ALK: variants seen among roughly 807,000 people sequenced by gnomAD.
The protein encoded by ALK is ALK receptor tyrosine kinase.
In ALK, 74 loss-of-function variants were observed where a neutral mutation model predicts 163.1. That is an observed-to-expected ratio of 0.45 (90% CI 0.38 to 0.55). The LOEUF is 0.55. Among genes scored for constraint, ALK ranks in the 20% least tolerant of loss-of-function variants. ALK has a pLI of 0.00. For missense variants in ALK, 2,063 were observed against 2,105.3 expected, an observed-to-expected ratio of 0.98 and a Z score of 0.39; for synonymous variants, 960 against 843.2, an observed-to-expected ratio of 1.14 and a Z score of -2.40.
rs563460919 is a variant in ALK, at chr2:29,909,979, C to CAAAA, written c.667+10010_667+10013dup. ...ATGGAATATTCATAATGCACCACAC[C>CAAAA]AAAAAAAAAAAAAAAAACAACTGCA... On this transcript the variant is annotated intron_variant, in intron 1 of 28. Transcript: ENST00000389048. 1.6e-3 allele frequency among the ~76,000 whole-genome samples: 133 copies of CAAAA among 81,730 alleles called. 2 individuals are homozygous for CAAAA. The highest frequency in any genetic ancestry group is 4.7e-3 in the African/African-American group (126 of 26,854). 53.6% of individuals were successfully genotyped at this position (81,730 alleles called of 152,430 possible).
chr2:29,615,145 G>A (rs910115401), intron 3 of ALK, among the ~76,000 whole-genome samples: 2 of 152,122 alleles, frequency 1.3e-5, no homozygotes, highest in Non-Finnish European at 2.9e-5. Flanking sequence ...AAGACCTGGA[G>A]TATCTATGCT....
chr2:29,199,344 CTTTAT>C (rs1343366722), intron 26 of ALK, among the ~76,000 whole-genome samples: 1 of 152,026 alleles, frequency 6.6e-6, no homozygotes, highest in Non-Finnish European at 1.5e-5. Context: ...TCATGATTTC[CTTTAT>C]TTTATAGTTA....
At chr2:29,264,917 C>G (rs900429487) in intron 11 of ALK, among the ~76,000 whole-genome samples, 4 of 152,186 alleles carry the variant, frequency 2.6e-5, no homozygotes, top group Non-Finnish European at 4.4e-5. Flanking sequence ...GGCGCACACT[C>G]TCACATACTC....
chr2:29,585,349 A>G (rs1458403910), intron 3 of ALK, among the ~76,000 whole-genome samples: 4 of 102,990 alleles, frequency 3.9e-5, no homozygotes, highest in African/African-American at 1.6e-4. Flanking sequence ...TTTTTGAGAC[A>G]GAGTCTTGCT....
intron 3 of ALK, among the ~76,000 whole-genome samples, chr2:29,670,211 T>C (rs1228171154): frequency 6.6e-6 from 1 of 152,162 alleles, no homozygotes; most frequent in Admixed American, 6.6e-5. Context: ...ATGGTGGTCA[T>C]GAAGTTTCTC....
At chr2:29,576,312 A>G (rs996635792) in intron 3 of ALK, among the ~76,000 whole-genome samples, 2 of 152,194 alleles carry the variant, frequency 1.3e-5, no homozygotes, top group Admixed American at 6.5e-5. Context: ...GAGCAGAACC[A>G]TGAGCCTCTC....
intron 3 of ALK, among the ~76,000 whole-genome samples, chr2:29,625,042 G>T (rs1676152802): frequency 6.6e-6 from 1 of 152,208 alleles, no homozygotes; most frequent in Non-Finnish European, 1.5e-5. Flanking sequence ...ATGGACGTGA[G>T]TGTGTCAGGT....
chr2:29,509,314 C>T (rs192722096), intron 4 of ALK, among the ~76,000 whole-genome samples: 2 of 152,154 alleles, frequency 1.3e-5, no homozygotes, highest in Non-Finnish European at 2.9e-5. Context: ...TTAAAAGAAG[C>T]TTATTTTTCA....
At chr2:29,624,962 G>C (rs1035657507) in intron 3 of ALK, among the ~76,000 whole-genome samples, 1 of 152,188 alleles carries the variant, frequency 6.6e-6, no homozygotes, top group Non-Finnish European at 1.5e-5. Context: ...AGATAAGACT[G>C]ACAGCTAGGG....
At chr2:29,260,235 C>G (rs961687679) in intron 11 of ALK, among the ~76,000 whole-genome samples, 34 of 150,310 alleles carry the variant, frequency 2.3e-4, no homozygotes, top group Non-Finnish European at 4.3e-4. Context: ...CTTACAATGA[C>G]TTACGTTATT....
chr2:29,837,401 C>T (rs1665590221), intron 1 of ALK, among the ~76,000 whole-genome samples: 1 of 152,116 alleles, frequency 6.6e-6, no homozygotes, highest in Non-Finnish European at 1.5e-5. Context: ...CATAGGTATT[C>T]CCTTGAGTCT....
At chr2:29,420,205 A>G (rs11897469) in intron 4 of ALK, among the ~76,000 whole-genome samples, 38,724 of 149,176 alleles carry the variant, frequency 0.26, 5,638 homozygotes, top group Non-Finnish European at 0.29. Context: ...GCAAGCTCCA[A>G]TGCATCATAC....
In ALK at chr2:29,248,752, C is replaced by T. The variant is rs535227826; in HGVS notation, c.2204+2353G>A. Among the ~76,000 whole-genome samples the T allele has an allele frequency of 6.6e-5, 10 of 152,202 alleles. No individual in the cohort carries two copies. The South Asian group carries it at 1.5e-3, about 22-fold the overall frequency. ...CTTCATGCAGATCAGAAACCTGACT[C>T]GACTTAGATATGGCTGTGATTAATA... On this transcript the variant is annotated intron_variant, in intron 12 of 28. Transcript: ENST00000389048.
chr2:29,286,336 T>A (rs1170539002), intron 9 of ALK: 1 of 152,222 alleles, frequency 6.6e-6, no homozygotes, highest in Non-Finnish European at 1.5e-5. Context: ...ATGACATTTC[T>A]CCAGTCACTT....
intron 3 of ALK, among the ~76,000 whole-genome samples, chr2:29,665,382 T>C (rs984261010): frequency 6.6e-6 from 1 of 152,048 alleles, no homozygotes; most frequent in African/African-American, 2.4e-5. Context: ...TGTATTTTTT[T>C]CATAAAATAT....
At chr2:29,642,237 T>G (rs1573521779) in intron 3 of ALK, among the ~76,000 whole-genome samples, 1 of 152,312 alleles carries the variant, frequency 6.6e-6, no homozygotes, top group East Asian at 1.9e-4. Context: ...TCTAGGACTC[T>G]ACCTTTCAAA....
intron 5 of ALK, among the ~76,000 whole-genome samples, chr2:29,330,140 C>T (rs1236587320): frequency 1.3e-5 from 2 of 152,138 alleles, no homozygotes; most frequent in African/African-American, 4.8e-5. Flanking sequence ...AAAACAGATC[C>T]CACCTCCTTC....
At chr2:29,724,131 C>T (rs904963837) in intron 1 of ALK, among the ~76,000 whole-genome samples, 1 of 152,032 alleles carries the variant, frequency 6.6e-6, no homozygotes, top group African/African-American at 2.4e-5. Context: ...ACATGAATGC[C>T]CCAGGCTCAC....
rs185870417 is a variant in ALK, at chr2:29,579,455, T to C, written c.953-47339A>G. ...TTTGAACTTCAACAAAATGAAATTC[T>C]TATCCACATGGGAATGATGTGATAG... On this transcript the variant is annotated intron_variant, in intron 3 of 28. Coordinates refer to ENST00000389048, the MANE Select transcript of ALK (RefSeq NM_004304.5). Among the ~76,000 whole-genome samples, 37 of 152,340 alleles carry C rather than the reference T, an allele frequency of 2.4e-4. No individual in the cohort carries two copies. The East Asian group carries it at 3.7e-3, about 15-fold the overall frequency.
Sources: gnomAD v4.1 joint callset for allele counts (sites outside exome capture counted in the v4.1 genomes callset) on GRCh38, gnomAD v4.1.1 for gene constraint, MANE v1.5 for transcripts, NCBI Gene and HGNC (gene_info 2026-07-23, HGNC 2026-07-21) for gene names.